The following CACNA2D2 variants were observed in gnomAD, a reference collection of about 807,000 sequenced individuals.
The protein encoded by CACNA2D2 is voltage-dependent calcium channel subunit alpha-2/delta-2.
In CACNA2D2, 48 loss-of-function variants were observed where a neutral mutation model predicts 166.4. The ratio of observed to expected loss-of-function variants is 0.29; its 90% confidence interval spans 0.23 to 0.37. The LOEUF (loss-of-function observed/expected upper bound fraction) is 0.37. Among genes scored for constraint, CACNA2D2 ranks in the 10% least tolerant of loss-of-function variants. The pLI, the probability that CACNA2D2 is intolerant of heterozygous loss-of-function variation, is 1.00. For synonymous variants in CACNA2D2, 561 were observed against 573.7 expected (o/e 0.98, Z 0.32); for missense variants, 1,122 against 1,433.0 (o/e 0.78, Z 3.50).
intron 2 of CACNA2D2, among the ~76,000 whole-genome samples, chr3:50,462,542 T>C (rs1255524803): frequency 6.6e-5 from 10 of 152,044 alleles, no homozygotes; most frequent in Admixed American, 5.2e-4. Flanking sequence ...TTGCATTTGC[T>C]GGGTCAGGGC....
At chr3:50,474,919 G>C (rs766925760) in intron 2 of CACNA2D2, among the ~76,000 whole-genome samples, 5 of 152,162 alleles carry the variant, frequency 3.3e-5, no homozygotes, top group South Asian at 2.1e-4. Flanking sequence ...TGTGATGGAG[G>C]CTGCTGACAT....
At chr3:50,419,894 T>C (rs190522757) in intron 3 of CACNA2D2, 2 of 152,368 alleles carry the variant, frequency 1.3e-5, no homozygotes, top group East Asian at 1.9e-4. Context: ...CTGGGTGCTG[T>C]AGGCTTTAGG....
chr3:50,494,849 A>AT (rs1380925427), intron 1 of CACNA2D2, among the ~76,000 whole-genome samples: 1 of 151,338 alleles, frequency 6.6e-6, no homozygotes, highest in Non-Finnish European at 1.5e-5. Context: ...TAATTTTTGT[A>AT]TTTTTTTGTA....
chr3:50,406,435 G>C (rs905074999), intron 3 of CACNA2D2, among the ~76,000 whole-genome samples: 1 of 151,600 alleles, frequency 6.6e-6, no homozygotes, highest in African/African-American at 2.4e-5. Context: ...ACTCCACAGG[G>C]AGCCCCCCAT....
At chr3:50,405,457 TA>T (rs1332464437) in intron 3 of CACNA2D2, among the ~76,000 whole-genome samples, 1 of 151,898 alleles carries the variant, frequency 6.6e-6, no homozygotes, top group Non-Finnish European at 1.5e-5. Flanking sequence ...TGGACAGAGG[TA>T]GGGAGGAGCG....
chr3:50,366,117 A>ACCCTTCTACATAT lies in CACNA2D2; in HGVS notation c.2755_2756insATATGTAGAAGGG (p.Leu919HisfsTer3). 1 of 1,613,980 alleles carries ACCCTTCTACATAT rather than the reference A, an allele frequency of 6.2e-7. No homozygotes were observed. Among genetic ancestry groups the ACCCTTCTACATAT allele is most frequent in the Non-Finnish European group, 8.5e-7 (1 of 1,179,998 alleles). On this transcript the variant is annotated stop_gained and frameshift_variant, in exon 32 of 38. Coordinates refer to ENST00000424201, the MANE Select transcript of CACNA2D2 (RefSeq NM_006030.4). LOFTEE classifies it high-confidence loss of function. The surrounding 1 kb of genome is among the most constrained non-coding windows in gnomAD (Gnocchi z 5.9). ...GCGGGTGTAGAAGGAGTTATTGTAG[A>ACCCTTCTACATAT]GTGCCAGCATCAGGTTGGCATCCAC...
chr3:50,394,079 A>C (rs1310064666), intron 4 of CACNA2D2, 30 bp downstream of exon 4: 1 of 1,606,110 alleles, frequency 6.2e-7, no homozygotes, highest in African/African-American at 1.3e-5. Flanking sequence ...GGCATGCCCT[A>C]AGTGCTGGGC....
intron 3 of CACNA2D2, among the ~76,000 whole-genome samples, chr3:50,404,627 G>A (rs1706606739): frequency 1.3e-5 from 2 of 152,186 alleles, no homozygotes; most frequent in African/African-American, 4.8e-5. Context: ...ATGGGAGGGT[G>A]ACAGTTCCCA....
chr3:50,439,055 C>A lies in CACNA2D2; in HGVS notation c.289-4626G>T, dbSNP rs906752534. ...AGAGGTTAAGGCGCATGCAAAACTG[C>A]GGTTTGAACTGGGTCGAATCCAAAG... is the stretch of plus-strand genomic sequence containing the variant. On this transcript the variant is annotated intron_variant, in intron 2 of 37. Coordinates refer to ENST00000424201, the MANE Select transcript of CACNA2D2 (RefSeq NM_006030.4). Among the ~76,000 whole-genome samples, 3 of 152,336 alleles carry A rather than the reference C, an allele frequency of 2.0e-5. No homozygotes were observed. In the South Asian group the frequency reaches 6.2e-4, roughly 32 times the overall value.
At chr3:50,478,785 T>C (rs1466934812) in intron 1 of CACNA2D2, among the ~76,000 whole-genome samples, 2 of 152,198 alleles carry the variant, frequency 1.3e-5, no homozygotes, top group Non-Finnish European at 2.9e-5. Flanking sequence ...AACTCTGCAT[T>C]TGGTACCATC....
At chr3:50,458,344 G>A (rs1310125467) in intron 2 of CACNA2D2, among the ~76,000 whole-genome samples, 1 of 152,198 alleles carries the variant, frequency 6.6e-6, no homozygotes, top group Non-Finnish European at 1.5e-5. Flanking sequence ...ACTCCCTGCT[G>A]CTAACTCCAA....
rs775726191 is a variant in CACNA2D2 at position 50,376,235 on chromosome 3, G to A, written c.1627-47C>T. 6.3e-7 allele frequency: 1 copy of A among 1,590,746 alleles called. No homozygotes were observed. The highest frequency in any genetic ancestry group is 1.1e-5 in the South Asian group (1 of 90,392). On this transcript the variant is annotated intron_variant, in intron 17 of 37. Transcript: ENST00000424201. The surrounding 1 kb of genome is among the most constrained non-coding windows in gnomAD (Gnocchi z 4.3). Reference sequence around the variant, plus strand: ...TCAGGGTCTGGAGGGATGGGCTGGGGTTCCCTGGGCTCCGGAGTTCTTCCC... The same window carrying A: ...TCAGGGTCTGGAGGGATGGGCTGGGATTCCCTGGGCTCCGGAGTTCTTCCC...
At position 50,484,931 on chromosome 3, in the gene CACNA2D2, G is replaced by A. The variant is rs59101538; in HGVS notation, c.207-8732C>T. Among the ~76,000 whole-genome samples, 223 of 152,348 alleles carry A rather than the reference G, an allele frequency of 1.5e-3. 1 individual carries two copies. In the East Asian group the frequency reaches 0.026, roughly 18 times the overall value. ...GGTGGGGTGGGCAGGGGGAGCTTGC[G>A]GAGAGGTTGGCAGCATGGTGGCTGC... is the stretch of plus-strand genomic sequence containing the variant. On this transcript the variant is annotated intron_variant, in intron 1 of 37. Coordinates refer to ENST00000424201, the MANE Select transcript of CACNA2D2 (RefSeq NM_006030.4).
At chr3:50,486,729 G>C (rs1649727333) in intron 1 of CACNA2D2, among the ~76,000 whole-genome samples, 1 of 152,194 alleles carries the variant, frequency 6.6e-6, no homozygotes, top group African/African-American at 2.4e-5. Flanking sequence ...ACTTTACCAA[G>C]CCTCATCTTA....
At chr3:50,461,311 AG>A (rs1024929215) in intron 2 of CACNA2D2, among the ~76,000 whole-genome samples, 6 of 152,228 alleles carry the variant, frequency 3.9e-5, no homozygotes, top group African/African-American at 9.6e-5. Flanking sequence ...AGAAAATCTA[AG>A]GCAAATGGTT....
At chr3:50,471,595 C>T (rs1211031428) in intron 2 of CACNA2D2, among the ~76,000 whole-genome samples, 1 of 152,172 alleles carries the variant, frequency 6.6e-6, no homozygotes. Context: ...TCAGCCAGCA[C>T]CCCCAGAGTC....
chr3:50,452,391 G>C (rs543463493), intron 2 of CACNA2D2, among the ~76,000 whole-genome samples: 1 of 152,342 alleles, frequency 6.6e-6, no homozygotes, highest in African/African-American at 2.4e-5. Flanking sequence ...GCTGGTGCCA[G>C]AAGTGGTCCC....
At chr3:50,401,315 G>A (rs1460271618) in intron 3 of CACNA2D2, among the ~76,000 whole-genome samples, 2 of 151,928 alleles carry the variant, frequency 1.3e-5, no homozygotes, top group Non-Finnish European at 2.9e-5. Flanking sequence ...AAACTCATTC[G>A]AGTTGTGGTC....
rs9875449 is a variant in CACNA2D2 at position 50,384,976 on chromosome 3, T to C, written c.511-639A>G. ...CAGAGGGAGGGTCTGCGGTGCCTGG[T>C]AGCAGTAGGACTGAAAGGGCCCCTG... is the stretch of plus-strand genomic sequence containing the variant. On this transcript the variant is annotated intron_variant, in intron 5 of 37. Coordinates refer to ENST00000424201, the MANE Select transcript of CACNA2D2 (RefSeq NM_006030.4). 2.5e-3 allele frequency among the ~76,000 whole-genome samples: 375 copies of C among 152,348 alleles called. 2 individuals carry two copies. The highest frequency in any genetic ancestry group is 8.7e-3 in the African/African-American group (362 of 41,594).
Sources: allele counts gnomAD v4.1 joint callset (sites outside exome capture counted in the v4.1 genomes callset), GRCh38; gene constraint gnomAD v4.1.1; non-coding constraint Gnocchi (gnomAD v3.1); transcripts MANE v1.5; gene names NCBI Gene and HGNC (gene_info 2026-07-23, HGNC 2026-07-21).